Variants in ALG13 observed in about 807,000 individuals in gnomAD.
The protein encoded by ALG13 is ALG13 UDP-N-acetylglucosaminyltransferase subunit.
A neutral mutation model predicts 87.8 loss-of-function variants in ALG13; 11 were observed. The ratio of observed to expected loss-of-function variants is 0.13; its 90% CI spans 0.08 to 0.21. The LOEUF (loss-of-function observed/expected upper bound fraction) is 0.21, where lower values mean the gene tolerates loss of function less well. Among genes scored for constraint, ALG13 ranks in the 10% least tolerant of loss-of-function variants. ALG13 has a pLI of 1.00. For missense variants in ALG13, 756 were observed against 866.1 expected (o/e 0.87, Z 1.60); for synonymous variants, 320 against 306.3 (o/e 1.04, Z -0.47).
intron 11 of ALG13, among the ~76,000 whole-genome samples, chrX:111,720,501 A>AAT (rs1204446871): frequency 2.7e-5 from 3 of 111,849 alleles, no homozygotes; most frequent in African/African-American, 9.7e-5. Context: ...TAAGGAATAC[A>AAT]ATGCCTATCT....
intron 26 of ALG13, among the ~76,000 whole-genome samples, chrX:111,759,127 C>CT (rs1376013548): frequency 9.6e-6 from 1 of 104,466 alleles, no homozygotes; most frequent in Non-Finnish European, 1.9e-5. Flanking sequence ...CAGAGTTAAT[C>CT]TAAGCCCAAG....
At chrX:111,728,635 C>CA (rs1178401167) in intron 19 of ALG13, among the ~76,000 whole-genome samples, 1 of 111,255 alleles carries the variant, frequency 9.0e-6, no homozygotes, top group Non-Finnish European at 1.9e-5. Flanking sequence ...TAGTTGTCCT[C>CA]ACCATTTGTA....
chrX:111,753,014 TTC>T, intron 25 of ALG13, 184 bp downstream of exon 25: 1 of 379,604 alleles, frequency 2.6e-6, no homozygotes, highest in Admixed American at 5.4e-5. Flanking sequence ...GTGCTTTAGT[TTC>T]TCTTATAAAA....
chrX:111,709,200 T>C (rs1400271210), intron 5 of ALG13, among the ~76,000 whole-genome samples, 152 bp downstream of exon 5: 1 of 112,028 alleles, frequency 8.9e-6, no homozygotes, highest in African/African-American at 3.2e-5. Context: ...GTAGCTAACA[T>C]GCTTCTTGAG....
At chrX:111,756,811 G>T (rs1235742317) in intron 25 of ALG13, among the ~76,000 whole-genome samples, 1 of 111,711 alleles carries the variant, frequency 9.0e-6, no homozygotes, top group Non-Finnish European at 1.9e-5. Flanking sequence ...TATAAATTAA[G>T]AGTAATGGGG....
chrX:111,719,592 C>G (rs1408478718), intron 10 of ALG13, among the ~76,000 whole-genome samples: 1 of 112,409 alleles, frequency 8.9e-6, no homozygotes, highest in Admixed American at 9.4e-5. Flanking sequence ...CTGAGTGTCT[C>G]ATAAGACTGT....
At chrX:111,703,351 A>G (rs1938222476) in intron 3 of ALG13, among the ~76,000 whole-genome samples, 1 of 111,003 alleles carries the variant, frequency 9.0e-6, no homozygotes, top group South Asian at 3.8e-4. Flanking sequence ...GAGCTCCTCA[A>G]CTCTGTTATT....
At chrX:111,711,821 A>G in intron 6 of ALG13, 96 bp downstream of exon 6, 2 of 863,133 alleles carry the variant, frequency 2.3e-6, no homozygotes, top group East Asian at 6.6e-5. Flanking sequence ...CAGACCCCAA[A>G]TATTTTATTT....
intron 21 of ALG13, among the ~76,000 whole-genome samples, chrX:111,733,156 GTT>G (rs1202076473): frequency 1.8e-5 from 2 of 110,932 alleles, no homozygotes; most frequent in Admixed American, 1.9e-4. Flanking sequence ...ATTTCAATAG[GTT>G]TTTTGGAGAA....
At chrX:111,743,906 T>TAAA (rs564106741) in intron 23 of ALG13, 43 of 105,525 alleles carry the variant, frequency 4.1e-4, no homozygotes, top group African/African-American at 1.3e-3. Context: ...TCATCTTTTG[T>TAAA]AAAAAAAAAA....
intron 21 of ALG13, among the ~76,000 whole-genome samples, chrX:111,732,905 A>ATT (rs766161170): frequency 9.0e-6 from 1 of 111,377 alleles, no homozygotes; most frequent in South Asian, 3.8e-4. Flanking sequence ...GCCAAGTAAG[A>ATT]ATCTTACCAC....
At chrX:111,750,630 G>A (rs751180594) in intron 24 of ALG13, among the ~76,000 whole-genome samples, 13 of 108,910 alleles carry the variant, frequency 1.2e-4, no homozygotes, top group Non-Finnish European at 2.3e-4. Flanking sequence ...GTATTGTATT[G>A]TATTGTTTGT....
In ALG13 at chrX:111,717,614, A is replaced by G. The variant is rs753727047; in HGVS notation, c.1006-232A>G. Reference sequence around the variant, plus strand: ...GTATATTAATGTGATTGAGGCTCACAGTGTAACCTTAGTAGTGATTTTAAT... The same window carrying G: ...GTATATTAATGTGATTGAGGCTCACGGTGTAACCTTAGTAGTGATTTTAAT... On this transcript the variant is annotated intron_variant, in intron 8 of 26. Transcript: ENST00000394780. Among the ~76,000 whole-genome samples, 14 of 106,478 alleles carry G rather than the reference A, an allele frequency of 1.3e-4. No individual in the cohort carries two copies. The South Asian group carries it at 5.5e-3, about 42-fold the overall frequency. 92.5% of individuals were successfully genotyped at this position (106,478 alleles called of 115,157 possible).
At chrX:111,719,025 C>CTT (rs1174274292) in intron 10 of ALG13, among the ~76,000 whole-genome samples, 75 of 82,388 alleles carry the variant, frequency 9.1e-4, no homozygotes, top group Non-Finnish European at 1.4e-3. Context: ...AATTTTTTTT[C>CTT]TTTTTTTTTT....
chrX:111,686,112 A>G, intron 3 of ALG13: 1 of 1,075,702 alleles, frequency 9.3e-7, no homozygotes, highest in Non-Finnish European at 1.2e-6. Context: ...AGGATGAAGA[A>G]AATTACTTGT....
chrX:111,737,202 G>C (rs1173563594), intron 23 of ALG13: 1 of 145,776 alleles, frequency 6.9e-6, no homozygotes, highest in Non-Finnish European at 1.3e-5. Flanking sequence ...TCACCTTATA[G>C]CAAACTTTTC....
intron 13 of ALG13, among the ~76,000 whole-genome samples, 182 bp from the exon 14 acceptor site, chrX:111,723,616 A>G (rs980948272): frequency 1.2e-4 from 13 of 112,112 alleles, no homozygotes; most frequent in Admixed American, 1.1e-3. Flanking sequence ...TTTAATTACA[A>G]ATTTAGTGAT....
chrX:111,750,199 G>A (rs768889763), intron 24 of ALG13, among the ~76,000 whole-genome samples: 1 of 110,756 alleles, frequency 9.0e-6, no homozygotes, highest in Admixed American at 9.6e-5. Context: ...TACTAACCCC[G>A]AGAATATATC....
At chrX:111,700,939 C>T (rs775224202) in intron 3 of ALG13, among the ~76,000 whole-genome samples, 10 of 109,443 alleles carry the variant, frequency 9.1e-5, no homozygotes, top group Non-Finnish European at 1.7e-4. Flanking sequence ...GGTGTTGAAT[C>T]TTGTCAGATG....
Sources: allele counts gnomAD v4.1 joint callset (sites outside exome capture counted in the v4.1 genomes callset), GRCh38; gene constraint gnomAD v4.1.1; transcripts MANE v1.5; gene names NCBI Gene and HGNC (gene_info 2026-07-23, HGNC 2026-07-21).